CSTPP1: variants seen among roughly 807,000 people sequenced by gnomAD.
CSTPP1 encodes the protein centriolar satellite-associated tubulin polyglutamylase complex regulator 1.
the CSTPP1 span, among the ~76,000 whole-genome samples, chr11:47,155,425 G>T: frequency 3.9e-4 from 59 of 152,126 alleles, no homozygotes; most frequent in Non-Finnish European, 7.5e-4. Context: ...GTGTTCAGTG[G>T]TGGTCACAAG....
chr11:46,996,811 T>C, the CSTPP1 span, among the ~76,000 whole-genome samples: 1 of 152,236 alleles, frequency 6.6e-6, no homozygotes, highest in African/African-American at 2.4e-5. Context: ...CCTTCACTTA[T>C]GAAGCTTAGT....
chr11:47,077,637 C>T, the CSTPP1 span, among the ~76,000 whole-genome samples: 1 of 152,020 alleles, frequency 6.6e-6, no homozygotes. Context: ...GATCTAGCAT[C>T]AAGGGGTGCA....
chr11:47,127,537 T>C, the CSTPP1 span, among the ~76,000 whole-genome samples: 1 of 152,270 alleles, frequency 6.6e-6, no homozygotes, highest in Non-Finnish European at 1.5e-5. Context: ...GAAGGAGAAC[T>C]GTGATAAATT....
chr11:47,064,885 C>A, the CSTPP1 span, among the ~76,000 whole-genome samples: 4 of 152,106 alleles, frequency 2.6e-5, no homozygotes, highest in East Asian at 7.7e-4. Flanking sequence ...GCTGGGATTA[C>A]AGGCACATGC....
At chr11:47,006,663 C>T in the CSTPP1 span, among the ~76,000 whole-genome samples, 21 of 151,574 alleles carry the variant, frequency 1.4e-4, no homozygotes, top group Admixed American at 1.1e-3. Flanking sequence ...TGGCTCACTG[C>T]AGCCTCTACC....
At chr11:47,055,563 C>T in the CSTPP1 span, among the ~76,000 whole-genome samples, 2 of 152,036 alleles carry the variant, frequency 1.3e-5, no homozygotes, top group Non-Finnish European at 2.9e-5. Flanking sequence ...AAAACTTTTC[C>T]ACCCAATATC....
chr11:46,986,854 A>G, the CSTPP1 span, among the ~76,000 whole-genome samples: 1 of 152,232 alleles, frequency 6.6e-6, no homozygotes, highest in East Asian at 1.9e-4. Flanking sequence ...GAAATGGAAA[A>G]GAATAGAAGG....
chr11:46,958,820 C>T, the CSTPP1 span, among the ~76,000 whole-genome samples: 2 of 152,142 alleles, frequency 1.3e-5, no homozygotes, highest in African/African-American at 4.8e-5. Context: ...GCCTGAGAAC[C>T]AGAAGCCTTG....
At chr11:46,989,609 C>A in the CSTPP1 span, among the ~76,000 whole-genome samples, 1 of 152,118 alleles carries the variant, frequency 6.6e-6, no homozygotes, top group African/African-American at 2.4e-5. Flanking sequence ...CTGATTACCA[C>A]TTTTTGAATA....
the CSTPP1 span, among the ~76,000 whole-genome samples, chr11:47,070,076 G>A: frequency 3.3e-5 from 5 of 152,008 alleles, no homozygotes; most frequent in African/African-American, 9.7e-5. Flanking sequence ...GTTATTAAAC[G>A]CATTCTCTAA....
chr11:47,134,625 T>G, the CSTPP1 span, among the ~76,000 whole-genome samples: 21 of 151,966 alleles, frequency 1.4e-4, no homozygotes, highest in African/African-American at 4.6e-4. Context: ...GGGCCCAAAA[T>G]AGACAGGAGC....
At chr11:46,968,756 G>A in the CSTPP1 span, among the ~76,000 whole-genome samples, 236 of 151,860 alleles carry the variant, frequency 1.6e-3, no homozygotes, top group Non-Finnish European at 1.3e-3. Flanking sequence ...AAAATTAGCC[G>A]GGTGTGATGG....
the CSTPP1 span, chr11:47,052,339 G>C: frequency 1.3e-6 from 2 of 1,563,940 alleles, no homozygotes; most frequent in Non-Finnish European, 1.7e-6. Flanking sequence ...TCTGATTCCA[G>C]CCTTCTGGAT....
At chr11:47,101,771 G>T in the CSTPP1 span, among the ~76,000 whole-genome samples, 2 of 152,246 alleles carry the variant, frequency 1.3e-5, no homozygotes, top group South Asian at 4.1e-4. Context: ...CAGATGGAGA[G>T]ACGGGGTTGG....
chr11:46,961,505 A>C, the CSTPP1 span, among the ~76,000 whole-genome samples: 1 of 152,036 alleles, frequency 6.6e-6, no homozygotes, highest in African/African-American at 2.4e-5. Context: ...TGATTTGCAA[A>C]TATTTTCTCC....
At chr11:47,077,480 G>A in the CSTPP1 span, among the ~76,000 whole-genome samples, 1 of 152,140 alleles carries the variant, frequency 6.6e-6, no homozygotes, top group African/African-American at 2.4e-5. Flanking sequence ...GATTACAGGT[G>A]TGAGCCACTA....
chr11:47,098,116 G>T, the CSTPP1 span, among the ~76,000 whole-genome samples: 1 of 107,262 alleles, frequency 9.3e-6, no homozygotes, highest in Non-Finnish European at 1.9e-5. Flanking sequence ...CAGCATGCTC[G>T]TTAAGAGTCA....
chr11:47,082,645 A>C, the CSTPP1 span, among the ~76,000 whole-genome samples: 1 of 152,154 alleles, frequency 6.6e-6, no homozygotes, highest in African/African-American at 2.4e-5. Flanking sequence ...CACCAAAATC[A>C]GTTTTAGAAT....
At chr11:47,157,695 G>T in the CSTPP1 span, 1 of 878,614 alleles carries the variant, frequency 1.1e-6, no homozygotes, top group South Asian at 1.6e-5. Flanking sequence ...CCAGGGCCTT[G>T]GGGCTCCCAA....
Sources: gnomAD v4.1 joint callset for allele counts (sites outside exome capture counted in the v4.1 genomes callset) on GRCh38, gnomAD v4.1.1 for gene constraint, MANE v1.5 for transcripts, NCBI Gene and HGNC (gene_info 2026-07-23, HGNC 2026-07-21) for gene names.